Variants in FAM227B observed in about 807,000 individuals in gnomAD.
FAM227B encodes protein FAM227B.
FAM227B carries 88 observed loss-of-function variants against 73.8 expected under a neutral mutation model. The observed-to-expected ratio is 1.19, with a 90% CI of 1.00 to 1.42. FAM227B has a LOEUF of 1.42. FAM227B is among the 40% of genes most tolerant of loss of function. FAM227B has a pLI of 0.00. For missense variants in FAM227B, 632 were observed against 590.9 expected, an observed-to-expected ratio of 1.07 and a Z score of -0.72; for synonymous variants, 210 against 190.5, an observed-to-expected ratio of 1.10 and a Z score of -0.84.
rs541198983 is a variant in FAM227B at position 49,447,511 on chromosome 15, T to C, written c.1012+60700A>G. On this transcript the variant is annotated intron_variant, in intron 11 of 15. Coordinates refer to ENST00000299338, the MANE Select transcript of FAM227B (RefSeq NM_152647.3). Reference sequence around the variant, plus strand: ...TAGAATAAGAGATTCTCAATCTTAATGTGATTTAATTACTAAGTCTTGGTA... The same window carrying C: ...TAGAATAAGAGATTCTCAATCTTAACGTGATTTAATTACTAAGTCTTGGTA... Among the ~76,000 whole-genome samples, 138 of 151,804 alleles carry C rather than the reference T, an allele frequency of 9.1e-4. 5 individuals are homozygous for C. In the South Asian group the frequency reaches 0.027, roughly 30 times the overall value.
chr15:49,352,326 A>G (rs530332746), intron 13 of FAM227B, among the ~76,000 whole-genome samples: 1 of 152,352 alleles, frequency 6.6e-6, no homozygotes, highest in East Asian at 1.9e-4. Flanking sequence ...CATTGATGCT[A>G]TCTCTTGATG....
At chr15:49,368,326 A>T (rs2045518995) in intron 12 of FAM227B, among the ~76,000 whole-genome samples, 1 of 152,170 alleles carries the variant, frequency 6.6e-6, no homozygotes, top group South Asian at 2.1e-4. Context: ...AATCTTTGTA[A>T]TACCATTATG....
At chr15:49,449,934 G>A (rs1597269878) in intron 11 of FAM227B, among the ~76,000 whole-genome samples, 1 of 151,964 alleles carries the variant, frequency 6.6e-6, no homozygotes, top group Admixed American at 6.6e-5. Flanking sequence ...TGTATGGAGG[G>A]AACACTCCAC....
At chr15:49,384,433 G>A (rs2046747874) in intron 11 of FAM227B, among the ~76,000 whole-genome samples, 1 of 151,994 alleles carries the variant, frequency 6.6e-6, no homozygotes, top group African/African-American at 2.4e-5. Flanking sequence ...CACTGTCTGT[G>A]GGGATGGGGT....
intron 11 of FAM227B, among the ~76,000 whole-genome samples, chr15:49,458,094 G>A (rs1180058370): frequency 1.3e-5 from 2 of 151,876 alleles, no homozygotes; most frequent in Admixed American, 1.3e-4. Context: ...CTTAGTGAAA[G>A]GTGCTGAGGT....
chr15:49,556,847 G>A (rs1389619730), intron 9 of FAM227B, among the ~76,000 whole-genome samples: 1 of 152,274 alleles, frequency 6.6e-6, no homozygotes, highest in Admixed American at 6.5e-5. Flanking sequence ...TCTGGCCTCT[G>A]CACAGGCTAC....
At chr15:49,569,837 C>T (rs968077462) in intron 8 of FAM227B, among the ~76,000 whole-genome samples, 1 of 151,906 alleles carries the variant, frequency 6.6e-6, no homozygotes, top group Non-Finnish European at 1.5e-5. Flanking sequence ...GTGAGTTCAA[C>T]TTTTTTAGGT....
intron 13 of FAM227B, chr15:49,353,995 T>A (rs186649142): frequency 6.6e-6 from 1 of 152,362 alleles, no homozygotes; most frequent in Admixed American, 6.5e-5. Context: ...GAAATCATTA[T>A]ATAAATAATG....
intron 10 of FAM227B, among the ~76,000 whole-genome samples, chr15:49,512,562 C>A (rs923139316): frequency 3.3e-5 from 5 of 151,876 alleles, no homozygotes; most frequent in Admixed American, 1.3e-4. Context: ...GGTGCCTATT[C>A]AAATATTTAT....
rs931737627 is a variant in FAM227B, at chr15:49,396,353, C to A, written c.1013-24954G>T. ...CCTGGCTCGGAGGGTCCTACGCCCA[C>A]GGAGTCTCGCTGATTGCTAGCACAG... On this transcript the variant is annotated intron_variant, in intron 11 of 15. Coordinates refer to ENST00000299338, the MANE Select transcript of FAM227B (RefSeq NM_152647.3). 2.8e-5 allele frequency: 8 copies of A among 288,376 alleles called. No homozygotes were observed. In the East Asian group the frequency reaches 6.3e-4, roughly 23 times the overall value. 17.9% of individuals were successfully genotyped at this position (288,376 alleles called of 1,614,324 possible).
chr15:49,427,487 T>C (rs1006288377), intron 11 of FAM227B, among the ~76,000 whole-genome samples: 1 of 152,062 alleles, frequency 6.6e-6, no homozygotes, highest in South Asian at 2.1e-4. Flanking sequence ...CAGGTTGTCA[T>C]GTCAATCACC....
At chr15:49,465,974 A>G (rs4407014) in intron 11 of FAM227B, among the ~76,000 whole-genome samples, 16,292 of 152,256 alleles carry the variant, frequency 0.11, 1,238 homozygotes, top group East Asian at 0.36. Flanking sequence ...AGCATAAGAT[A>G]GTCTCTTCAA....
chr15:49,517,133 C>T (rs2059429987), intron 10 of FAM227B, among the ~76,000 whole-genome samples: 1 of 152,134 alleles, frequency 6.6e-6, no homozygotes, highest in South Asian at 2.1e-4. Flanking sequence ...TAAATGGCAA[C>T]TTGTTAAAGC....
chr15:49,417,068 G>C (rs980150622), intron 11 of FAM227B, among the ~76,000 whole-genome samples: 3 of 152,042 alleles, frequency 2.0e-5, no homozygotes, highest in African/African-American at 7.2e-5. Context: ...CCATAAAAGA[G>C]CCTGAAGATC....
intron 9 of FAM227B, among the ~76,000 whole-genome samples, chr15:49,556,358 C>G (rs1396574278): frequency 6.6e-6 from 1 of 152,130 alleles, no homozygotes; most frequent in Non-Finnish European, 1.5e-5. Flanking sequence ...GCTCAGCACT[C>G]CTGGGCAGGG....
chr15:49,491,650 C>T (rs1022624217), intron 11 of FAM227B, among the ~76,000 whole-genome samples: 1 of 151,726 alleles, frequency 6.6e-6, no homozygotes, highest in African/African-American at 2.4e-5. Flanking sequence ...TGCCTTATAA[C>T]AATTTTTTTC....
chr15:49,471,529 T>C (rs2054761467), intron 11 of FAM227B, among the ~76,000 whole-genome samples: 1 of 143,328 alleles, frequency 7.0e-6, no homozygotes, highest in Admixed American at 7.0e-5. Flanking sequence ...ATAATAATAA[T>C]AATATGGCAA....
In FAM227B at chr15:49,604,710, T is replaced by G. The variant is rs118169302; in HGVS notation, c.105+6505A>C. Among the ~76,000 whole-genome samples, 31 of 152,208 alleles carry G rather than the reference T, an allele frequency of 2.0e-4. No individual in the cohort carries two copies. In the East Asian group the frequency reaches 5.8e-3, roughly 29 times the overall value. On this transcript the variant is annotated intron_variant, in intron 3 of 15. Transcript: ENST00000299338. ...ATATGTTTCACTTGACAATGTCCCA[T>G]GTCTCATAGGCTTTATTCACTATTT...
chr15:49,607,592 T>G (rs926423105), intron 3 of FAM227B, among the ~76,000 whole-genome samples: 5 of 152,214 alleles, frequency 3.3e-5, no homozygotes, highest in Non-Finnish European at 7.4e-5. Flanking sequence ...AATGTCTTTA[T>G]GTCAGTTCTT....
Sources: gnomAD v4.1 joint callset for allele counts (sites outside exome capture counted in the v4.1 genomes callset) on GRCh38, gnomAD v4.1.1 for gene constraint, MANE v1.5 for transcripts, NCBI Gene and HGNC (gene_info 2026-07-23, HGNC 2026-07-21) for gene names.